Variants in HOMER1 observed in about 807,000 individuals in gnomAD.
HOMER1 encodes the protein homer scaffold protein 1, also known as homer protein homolog 1.
A neutral mutation model predicts 48.9 loss-of-function variants in HOMER1; 3 were observed. That is an observed-to-expected ratio of 0.06 (90% CI 0.03 to 0.16). HOMER1 has a LOEUF of 0.16. Among genes scored for constraint, HOMER1 ranks in the 10% least tolerant of loss-of-function variants. The pLI is 1.00. For missense variants in HOMER1, 247 were observed against 411.4 expected (o/e 0.60, Z 3.46); for synonymous variants, 134 against 146.4 (o/e 0.92, Z 0.61).
At chr5:79,508,401 T>C (rs931608274) in intron 1 of HOMER1, among the ~76,000 whole-genome samples, 3 of 152,234 alleles carry the variant, frequency 2.0e-5, no homozygotes, top group African/African-American at 7.2e-5. Flanking sequence ...AAGATGCTTA[T>C]CTTTCCAACG....
chr5:79,461,472 T>A (rs1324024808), intron 1 of HOMER1, among the ~76,000 whole-genome samples: 2 of 152,204 alleles, frequency 1.3e-5, no homozygotes, highest in Non-Finnish European at 2.9e-5. Flanking sequence ...AAATGAATGG[T>A]CCATGTTCAA....
At chr5:79,510,705 G>T in intron 1 of HOMER1, 1 of 844,250 alleles carries the variant, frequency 1.2e-6, no homozygotes, top group South Asian at 1.3e-5. Context: ...GGTGTCAGCC[G>T]CAAGCTCAAC....
In HOMER1 at chr5:79,507,212, CAAAA is replaced by C. The variant is rs34697575; in HGVS notation, c.5+5554_5+5557del. Among the ~76,000 whole-genome samples the C allele has an allele frequency of 1.3e-4, 7 of 51,912 alleles. No homozygotes were observed. In the East Asian group the frequency reaches 1.7e-3, roughly 13 times the overall value. The allele number at this position is 51,912 out of a possible 152,430, so 34.1% of individuals were successfully genotyped here. A position where few individuals can be genotyped will look rare whatever the true frequency, so the allele number is the denominator to read the frequency against. ...TGGGTGACAGAGTGAGGCTCTATCT[CAAAA>C]AAAAAAAAAAAAAAAAAAACCAAAA... On this transcript the variant is annotated intron_variant, in intron 1 of 8. Transcript: ENST00000334082.
chr5:79,384,108 CA>C (rs61146751), intron 8 of HOMER1, among the ~76,000 whole-genome samples: 103 of 86,362 alleles, frequency 1.2e-3, no homozygotes, highest in East Asian at 5.3e-3. Flanking sequence ...ACTAGAAAAG[CA>C]AAAAAAAAAA....
chr5:79,461,928 G>C (rs1277388893), intron 1 of HOMER1, among the ~76,000 whole-genome samples: 1 of 152,212 alleles, frequency 6.6e-6, no homozygotes, highest in Non-Finnish European at 1.5e-5. Context: ...GCCGGGCGCA[G>C]TGGCTCACGC....
intron 5 of HOMER1, among the ~76,000 whole-genome samples, chr5:79,434,134 T>G (rs999520472): frequency 2.0e-5 from 3 of 152,156 alleles, no homozygotes; most frequent in African/African-American, 7.2e-5. Context: ...AAACTGCTAA[T>G]GTATATGTCT....
chr5:79,439,109 T>G lies in HOMER1; in HGVS notation c.428A>C (p.Glu143Ala), dbSNP rs746368496. Reference protein sequence around the residue: ...GGDLQSPLTPESINGTDDERT... With the variant: ...GGDLQSPLTPASINGTDDERT... Reference sequence around the variant, plus strand: ...TTCATCATCTGTCCCGTTGATACTTTCCGGTGTTAAAGGAGACTGAAGATC... The same window carrying G: ...TTCATCATCTGTCCCGTTGATACTTGCCGGTGTTAAAGGAGACTGAAGATC... The change falls in exon 5 of 9, where the codon GAA becomes GCA. Residue 143 changes from glutamate (E) to alanine (A), a missense_variant. Physicochemically the swap from Glu to Ala is moderately radical, Grantham distance 107. This residue lies in a region of HOMER1 where 94 missense variants were observed against 112.4 expected (regional missense o/e 0.84). Coordinates refer to ENST00000334082, the MANE Select transcript of HOMER1 (RefSeq NM_004272.5). The G allele has an allele frequency of 1.2e-5, 19 of 1,613,924 alleles. No homozygotes were observed. Among genetic ancestry groups the G allele is most frequent in the Non-Finnish European group, 5.9e-6 (7 of 1,179,928 alleles).
At chr5:79,379,075 T>G (rs1748854082) in intron 8 of HOMER1, among the ~76,000 whole-genome samples, 1 of 49,046 alleles carries the variant, frequency 2.0e-5, no homozygotes, top group Non-Finnish European at 3.3e-5. Flanking sequence ...GTCTACCTTT[T>G]GTCCATATAT....
At chr5:79,421,306 T>C (rs1406320062) in intron 5 of HOMER1, among the ~76,000 whole-genome samples, 7 of 152,228 alleles carry the variant, frequency 4.6e-5, no homozygotes, top group Non-Finnish European at 1.0e-4. Flanking sequence ...AGAACAAGTG[T>C]TCCAAATGTT....
chr5:79,448,902 T>C lies in HOMER1; in HGVS notation c.295-1757A>G, dbSNP rs186863382. Among the ~76,000 whole-genome samples the C allele has an allele frequency of 2.1e-3, 320 of 151,434 alleles. 1 individual carries two copies. The highest frequency in any genetic ancestry group is 3.3e-3 in the Non-Finnish European group (225 of 67,906). ...AAGAGCTGTTTCCCAATATTCAACC[T>C]ACCCTCAAATACTAGATTTACCACC... On this transcript the variant is annotated intron_variant, in intron 3 of 8. Transcript: ENST00000334082.
At position 79,375,981 on chromosome 5, in the gene HOMER1, A is replaced by G; in HGVS notation, c.*28T>C. The G allele has an allele frequency of 6.6e-7, 1 of 1,517,384 alleles. No individual in the cohort carries two copies. Among genetic ancestry groups the G allele is most frequent in the Non-Finnish European group, 9.0e-7 (1 of 1,107,888 alleles). The allele number at this position is 1,517,384 out of a possible 1,614,324, so 94.0% of individuals were successfully genotyped here. A position where few individuals can be genotyped will look rare whatever the true frequency, so the allele number is the denominator to read the frequency against. ...ATGAAGAGAGACAGTGTATCTTTTA[A>G]TTAATTGGCACTGAAATTTCACTTT... On this transcript the variant is annotated 3_prime_UTR_variant, in exon 9 of 9. Transcript: ENST00000334082.
intron 1 of HOMER1, among the ~76,000 whole-genome samples, chr5:79,497,358 T>C (rs546537957): frequency 6.6e-6 from 1 of 151,744 alleles, no homozygotes; most frequent in East Asian, 1.9e-4. Flanking sequence ...TTTTCCCTTA[T>C]AAAAAATAGA....
chr5:79,504,198 G>C (rs1487056609), intron 1 of HOMER1, among the ~76,000 whole-genome samples: 3 of 151,810 alleles, frequency 2.0e-5, no homozygotes, highest in Non-Finnish European at 4.4e-5. Context: ...ACGAGTTTAA[G>C]AGTGACTTGG....
chr5:79,488,517 AG>A (rs1752181647), intron 1 of HOMER1, among the ~76,000 whole-genome samples: 1 of 152,234 alleles, frequency 6.6e-6, no homozygotes, highest in Admixed American at 6.5e-5. Context: ...AGTTCTTAAG[AG>A]CCCCAAATCA....
Position 79,374,646 on chromosome 5 carries a change from G to T in HOMER1, c.*1363C>A, listed in dbSNP as rs1485218175. 2 of 151,972 alleles carry T rather than the reference G, an allele frequency of 1.3e-5. No individual in the cohort carries two copies. Among genetic ancestry groups the T allele is most frequent in the African/African-American group, 4.8e-5 (2 of 41,426 alleles). 9.4% of individuals were successfully genotyped at this position (151,972 alleles called of 1,614,324 possible). ...TCCTCAACATCACAGGCATTGTACA[G>T]CAAGAATATATGTACTCTGATGCAA... On this transcript the variant is annotated 3_prime_UTR_variant, in exon 9 of 9. Coordinates refer to ENST00000334082, the MANE Select transcript of HOMER1 (RefSeq NM_004272.5).
At chr5:79,446,804 A>ATTTTTTTTTTT (rs35036295) in intron 4 of HOMER1, among the ~76,000 whole-genome samples, 1 of 101,732 alleles carries the variant, frequency 9.8e-6, no homozygotes, top group Non-Finnish European at 1.9e-5. Flanking sequence ...CACTTGGCTA[A>ATTTTTTTTTTT]TTTTTTTTTT....
chr5:79,490,018 G>A (rs1043381210), intron 1 of HOMER1, among the ~76,000 whole-genome samples: 1 of 152,130 alleles, frequency 6.6e-6, no homozygotes, highest in African/African-American at 2.4e-5. Context: ...CTCAGCCTGA[G>A]GCAGCTAAAG....
intron 1 of HOMER1, among the ~76,000 whole-genome samples, chr5:79,477,612 G>A (rs761562453): frequency 3.3e-5 from 5 of 152,164 alleles, no homozygotes; most frequent in Non-Finnish European, 4.4e-5. Flanking sequence ...AAGAGTAATC[G>A]ATACAACTAA....
At chr5:79,498,184 T>C (rs1752479740) in intron 1 of HOMER1, among the ~76,000 whole-genome samples, 1 of 152,142 alleles carries the variant, frequency 6.6e-6, no homozygotes. Context: ...GCGGATCACC[T>C]GAGGCCTGGA....
Sources: gnomAD v4.1 joint callset for allele counts (sites outside exome capture counted in the v4.1 genomes callset) on GRCh38, gnomAD v4.1.1 for gene constraint, gnomAD v4.1.1 regional missense constraint, MANE v1.5 for transcripts, NCBI Gene and HGNC (gene_info 2026-07-23, HGNC 2026-07-21) for gene names.